ITPRID1: variants seen among roughly 807,000 people sequenced by gnomAD.
ITPRID1 encodes the protein protein ITPRID1.
In ITPRID1, 96 loss-of-function variants were observed where a neutral mutation model predicts 95.4. The observed-to-expected ratio is 1.01, with a 90% CI of 0.85 to 1.19. The LOEUF (loss-of-function observed/expected upper bound fraction) is 1.19, where lower values mean the gene tolerates loss of function less well. Ranked by LOEUF, ITPRID1 falls within the 50% of genes most tolerant of loss-of-function variation. The probability of loss-of-function intolerance (pLI) is 0.00; values close to 1 mark genes in which losing one functional copy is unlikely to be tolerated. For missense variants in ITPRID1, 1,339 were observed against 1,252.9 expected (o/e 1.07, Z -1.04); for synonymous variants, 510 against 453.6 (o/e 1.12, Z -1.58).
chr7:31,588,493 T>C (rs531526328), intron 10 of ITPRID1, among the ~76,000 whole-genome samples: 1 of 151,550 alleles, frequency 6.6e-6, no homozygotes, highest in Non-Finnish European at 1.5e-5. Context: ...TAGCTGGGCA[T>C]GGTGGTGGGT....
intron 10 of ITPRID1, among the ~76,000 whole-genome samples, chr7:31,637,018 G>A (rs2128203224): frequency 6.6e-6 from 1 of 151,754 alleles, no homozygotes. Flanking sequence ...AGTTTGCTGA[G>A]AATGATGGTT....
intron 3 of ITPRID1, 73 bp from the exon 4 acceptor site, chr7:31,554,402 G>A (rs1266877466): frequency 2.6e-6 from 4 of 1,549,052 alleles, no homozygotes; most frequent in South Asian, 1.2e-5. Flanking sequence ...CTGAGTGGCG[G>A]CTGAGTAAAC....
chr7:31,559,306 C>G (rs77668203), intron 5 of ITPRID1, among the ~76,000 whole-genome samples: 3 of 152,094 alleles, frequency 2.0e-5, no homozygotes, highest in Non-Finnish European at 4.4e-5. Flanking sequence ...CTCTGGGAAC[C>G]ACCATCATTG....
rs1784334298 is a variant in ITPRID1, at chr7:31,553,050, C to G, written c.26C>G (p.Ser9Cys). The change falls in exon 3 of 15, where the codon TCT (serine) becomes TGT (cysteine). Residue 9 changes from serine (S) to cysteine (C), a missense_variant. Coordinates refer to ENST00000615280, the MANE Select transcript of ITPRID1 (RefSeq NM_001257967.3). MMAQKSQGSDNLQEGQEKS... is the reference protein window; with the variant it reads MMAQKSQGCDNLQEGQEKS... Reference sequence around the variant, plus strand: ...ATGATGGCACAGAAATCACAAGGATCTGACAACCTTCAGGAAGGCCAGGAA... The same window carrying G: ...ATGATGGCACAGAAATCACAAGGATGTGACAACCTTCAGGAAGGCCAGGAA... The G allele has an allele frequency of 5.0e-6, 8 of 1,609,926 alleles. No individual in the cohort carries two copies. Among genetic ancestry groups the G allele is most frequent in the Non-Finnish European group, 5.1e-6 (6 of 1,178,078 alleles).
chr7:31,558,283 G>C (rs1189102699), intron 5 of ITPRID1, among the ~76,000 whole-genome samples: 1 of 152,064 alleles, frequency 6.6e-6, no homozygotes, highest in Admixed American at 6.6e-5. Flanking sequence ...CTCAGTCTGC[G>C]GTATTGTGTT....
intron 10 of ITPRID1, among the ~76,000 whole-genome samples, chr7:31,595,375 G>A (rs1445056826): frequency 9.1e-6 from 1 of 109,610 alleles, no homozygotes; most frequent in Admixed American, 8.8e-5. Context: ...CACACACACT[G>A]TATGAGCCAC....
At chr7:31,614,531 T>G (rs185599392) in intron 10 of ITPRID1, among the ~76,000 whole-genome samples, 31 of 152,314 alleles carry the variant, frequency 2.0e-4, no homozygotes, top group African/African-American at 7.2e-4. Flanking sequence ...GTATATATAC[T>G]CCATGAATGC....
intron 10 of ITPRID1, among the ~76,000 whole-genome samples, chr7:31,605,722 T>G (rs913916050): frequency 2.6e-5 from 4 of 152,194 alleles, no homozygotes; most frequent in Non-Finnish European, 5.9e-5. Flanking sequence ...CCGTTCTTGC[T>G]TTGGAAAAAA....
intron 1 of ITPRID1, among the ~76,000 whole-genome samples, chr7:31,539,004 G>A (rs922183996): frequency 6.6e-6 from 1 of 152,024 alleles, no homozygotes; most frequent in Non-Finnish European, 1.5e-5. Context: ...ACCATTATTT[G>A]TGTCATGACA....
intron 1 of ITPRID1, among the ~76,000 whole-genome samples, chr7:31,545,071 C>A (rs1784053613): frequency 6.6e-6 from 1 of 152,038 alleles, no homozygotes; most frequent in Non-Finnish European, 1.5e-5. Flanking sequence ...TGTGAAGAGG[C>A]TACAGTAAGG....
At chr7:31,521,016 C>G (rs1467635350) in intron 1 of ITPRID1, among the ~76,000 whole-genome samples, 1 of 151,310 alleles carries the variant, frequency 6.6e-6, no homozygotes, top group African/African-American at 2.4e-5. Context: ...TTTTATTGTT[C>G]TTTTTGAAAA....
chr7:31,554,777 T>C (rs1015007549), intron 4 of ITPRID1, 81 bp from the exon 5 acceptor site: 10 of 1,231,832 alleles, frequency 8.1e-6, no homozygotes, highest in Non-Finnish European at 1.2e-5. Flanking sequence ...GCATTTGCTC[T>C]CACCTGTTTA....
At chr7:31,630,792 T>C (rs543752657) in intron 10 of ITPRID1, among the ~76,000 whole-genome samples, 1 of 152,104 alleles carries the variant, frequency 6.6e-6, no homozygotes, top group East Asian at 1.9e-4. Flanking sequence ...AAAGAGATGT[T>C]AAAAGCAAAA....
chr7:31,537,477 C>A (rs1000531298), intron 1 of ITPRID1, among the ~76,000 whole-genome samples: 2 of 151,968 alleles, frequency 1.3e-5, no homozygotes, highest in African/African-American at 4.8e-5. Flanking sequence ...CCAATTTTAA[C>A]AAAAATCTAT....
At chr7:31,601,572 C>T (rs921338028) in intron 10 of ITPRID1, among the ~76,000 whole-genome samples, 1 of 152,118 alleles carries the variant, frequency 6.6e-6, no homozygotes, top group Admixed American at 6.5e-5. Flanking sequence ...AAACTGAGAT[C>T]CTGAGACTCA....
At position 31,652,851 on chromosome 7, in the gene ITPRID1, T is replaced by G. The variant is rs1170873489; in HGVS notation, c.*22T>G. ...CTAGATCAGAGCAGGTTTGTTAACCTTCATACAAAATATAAAGGCCCAGAA... is the reference window on the plus strand; with the variant it reads ...CTAGATCAGAGCAGGTTTGTTAACCGTCATACAAAATATAAAGGCCCAGAA... On this transcript the variant is annotated 3_prime_UTR_variant, in exon 15 of 15. Coordinates refer to ENST00000615280, the MANE Select transcript of ITPRID1 (RefSeq NM_001257967.3). 6.3e-7 allele frequency: 1 copy of G among 1,598,796 alleles called. No homozygotes were observed. Among genetic ancestry groups the G allele is most frequent in the Admixed American group, 1.7e-5 (1 of 59,318 alleles).
chr7:31,554,902 G>A lies in ITPRID1; in HGVS notation c.256+1G>A, dbSNP rs1784398770. On this transcript the variant is annotated splice_donor_variant, in intron 5 of 14. Transcript: ENST00000615280. LOFTEE classifies it high-confidence loss of function. Reference sequence around the variant, plus strand: ...TTTCAACAAGTCATTGACCGCACTGGTAAGACAAGAGAAGCAGTTATGCTT... The same window carrying A: ...TTTCAACAAGTCATTGACCGCACTGATAAGACAAGAGAAGCAGTTATGCTT... 2.5e-6 allele frequency: 4 copies of A among 1,576,946 alleles called. No individual in the cohort carries two copies. Among genetic ancestry groups the A allele is most frequent in the Non-Finnish European group, 3.5e-6 (4 of 1,158,148 alleles).
At chr7:31,631,650 C>T (rs566277147) in intron 10 of ITPRID1, among the ~76,000 whole-genome samples, 5 of 152,108 alleles carry the variant, frequency 3.3e-5, no homozygotes, top group Admixed American at 2.0e-4. Context: ...AAAGGGACTG[C>T]TAGACCTGGA....
chr7:31,612,134 G>A (rs879551890), intron 10 of ITPRID1, among the ~76,000 whole-genome samples: 73 of 151,708 alleles, frequency 4.8e-4, no homozygotes, highest in African/African-American at 1.6e-3. Flanking sequence ...TGATGTTGAG[G>A]TCCTGTACTG....
Sources: allele counts gnomAD v4.1 joint callset (sites outside exome capture counted in the v4.1 genomes callset), GRCh38; gene constraint gnomAD v4.1.1; transcripts MANE v1.5; gene names NCBI Gene and HGNC (gene_info 2026-07-23, HGNC 2026-07-21).